RAP1A: variants seen among roughly 807,000 people sequenced by gnomAD.
The protein encoded by RAP1A is RAP1A, member of RAS oncogene family, also known as ras-related protein Rap-1A.
In RAP1A, 6 loss-of-function variants were observed where a neutral mutation model predicts 26.4. The ratio of observed to expected loss-of-function variants is 0.23; its 90% CI spans 0.12 to 0.45. The LOEUF is 0.45. Among genes scored for constraint, RAP1A ranks in the 20% least tolerant of loss-of-function variants. RAP1A has a pLI of 0.99. For missense variants in RAP1A, 121 were observed against 217.2 expected, an observed-to-expected ratio of 0.56 and a Z score of 2.78; for synonymous variants, 73 against 79.4, an observed-to-expected ratio of 0.92 and a Z score of 0.43.
intron 4 of RAP1A, among the ~76,000 whole-genome samples, chr1:111,700,431 C>T (rs1310810914): frequency 6.6e-6 from 1 of 152,152 alleles, no homozygotes; most frequent in Non-Finnish European, 1.5e-5. Flanking sequence ...AGATGCCACA[C>T]ACTTTTAAAC....
chr1:111,685,207 G>T (rs1661431513), intron 1 of RAP1A, among the ~76,000 whole-genome samples: 1 of 152,086 alleles, frequency 6.6e-6, no homozygotes. Flanking sequence ...TCAGGACATA[G>T]GCATGGGCAA....
intron 1 of RAP1A, among the ~76,000 whole-genome samples, chr1:111,611,955 T>C (rs757581614): frequency 1.1e-4 from 17 of 152,176 alleles, no homozygotes; most frequent in Admixed American, 7.9e-4. Context: ...TTCTGCCTTC[T>C]GTAAATTCAG....
At chr1:111,565,827 A>G (rs1005059939) in intron 1 of RAP1A, among the ~76,000 whole-genome samples, 14 of 152,140 alleles carry the variant, frequency 9.2e-5, no homozygotes, top group Non-Finnish European at 1.3e-4. Context: ...TTAAATAAAT[A>G]TGTGGCTCAC....
chr1:111,632,121 G>A lies in RAP1A; in HGVS notation c.-28+12187G>A, dbSNP rs188718391. On this transcript the variant is annotated intron_variant, in intron 1 of 7. Transcript: ENST00000369709. ...GAGTGGGGCAGGGTTGGTGGCATGTGTTTGTTTCTGTCTTCTATTAGAATA... is the reference window on the plus strand; with the variant it reads ...GAGTGGGGCAGGGTTGGTGGCATGTATTTGTTTCTGTCTTCTATTAGAATA... Among the ~76,000 whole-genome samples the A allele has an allele frequency of 2.4e-4, 36 of 152,074 alleles. No individual in the cohort carries two copies. The East Asian group carries it at 6.2e-3, about 26-fold the overall frequency.
rs1286532671 is a variant in RAP1A at position 111,696,801 on chromosome 1, T to C, written c.127-640T>C. Among the ~76,000 whole-genome samples the C allele has an allele frequency of 2.0e-5, 3 of 152,188 alleles. No individual in the cohort carries two copies. In the South Asian group the frequency reaches 6.2e-4, roughly 31 times the overall value. On this transcript the variant is annotated intron_variant, in intron 3 of 7. Transcript: ENST00000369709. ...ACCTTCTTTTCTTTTATAAGACCAA[T>C]GGGTAAATAGAACTCAGTGTATAAA...
chr1:111,632,763 A>G (rs1031000470), intron 1 of RAP1A, among the ~76,000 whole-genome samples: 1 of 151,770 alleles, frequency 6.6e-6, no homozygotes, highest in East Asian at 1.9e-4. Context: ...AAAAAAAAAT[A>G]CAAAAAAACT....
At chr1:111,682,296 A>G (rs1180891359) in intron 1 of RAP1A, among the ~76,000 whole-genome samples, 2 of 152,232 alleles carry the variant, frequency 1.3e-5, no homozygotes, top group Non-Finnish European at 2.9e-5. Flanking sequence ...ACTAATGTGC[A>G]AAATAACCAG....
intron 1 of RAP1A, among the ~76,000 whole-genome samples, chr1:111,571,845 G>A (rs1658054717): frequency 6.6e-6 from 1 of 152,194 alleles, no homozygotes; most frequent in Non-Finnish European, 1.5e-5. Context: ...AAAATGGCAT[G>A]CATTTTTGGC....
chr1:111,556,889 G>C (rs529067350), intron 1 of RAP1A, among the ~76,000 whole-genome samples: 103 of 142,552 alleles, frequency 7.2e-4, no homozygotes, highest in Non-Finnish European at 1.3e-3. Flanking sequence ...AGTTAAAATG[G>C]TACATTTTAC....
chr1:111,639,143 T>G (rs1202976200), intron 1 of RAP1A, among the ~76,000 whole-genome samples: 1 of 152,184 alleles, frequency 6.6e-6, no homozygotes. Flanking sequence ...TACACTATCT[T>G]TTTTACATTT....
intron 1 of RAP1A, among the ~76,000 whole-genome samples, chr1:111,659,918 T>C (rs1338785958): frequency 6.6e-6 from 1 of 152,218 alleles, no homozygotes; most frequent in Admixed American, 6.5e-5. Flanking sequence ...CCTTATAACA[T>C]TGCTGTCATT....
At chr1:111,654,445 G>T (rs1660386704) in intron 1 of RAP1A, among the ~76,000 whole-genome samples, 1 of 152,210 alleles carries the variant, frequency 6.6e-6, no homozygotes, top group South Asian at 2.1e-4. Context: ...TAGGAGCCAG[G>T]ATGGGAGCAC....
At position 111,580,706 on chromosome 1, in the gene RAP1A, G is replaced by A. The variant is rs777833324; in HGVS notation, c.-28+38197G>A. Among the ~76,000 whole-genome samples, 96 of 152,238 alleles carry A rather than the reference G, an allele frequency of 6.3e-4. 1 individual carries two copies. Among genetic ancestry groups the A allele is most frequent in the Middle Eastern group, 3.4e-3 (1 of 294 alleles). ...TACTGAAAGTACAAAAATTAGCCAG[G>A]TGCAGTGGCAGGTGCCTGTAATCCC... On this transcript the variant is annotated intron_variant, in intron 1 of 7. Coordinates refer to the RAP1A transcript ENST00000356415.
At chr1:111,633,584 A>G (rs182452520) in intron 1 of RAP1A, among the ~76,000 whole-genome samples, 25 of 152,360 alleles carry the variant, frequency 1.6e-4, no homozygotes, top group East Asian at 9.6e-4. Context: ...GGACTTTAGT[A>G]TCTCGAAATT....
chr1:111,640,774 A>G (rs537745482), intron 1 of RAP1A, among the ~76,000 whole-genome samples: 36 of 152,294 alleles, frequency 2.4e-4, no homozygotes, highest in Non-Finnish European at 4.6e-4. Context: ...AGCCTGAGCA[A>G]CATAGTGAGA....
At chr1:111,660,749 C>A (rs1660607781) in intron 1 of RAP1A, among the ~76,000 whole-genome samples, 1 of 152,180 alleles carries the variant, frequency 6.6e-6, no homozygotes, top group South Asian at 2.1e-4. Flanking sequence ...CTTACCGTGG[C>A]CTAAAAGCCT....
At position 111,709,142 on chromosome 1, in the gene RAP1A, TA is replaced by T; in HGVS notation, c.469-6del. ...GAGTAAGTACTTTTTTTCTTGTTTT[TA>T]CTTAGATATTTTATGACCTGGTCAG... On this transcript the variant is annotated splice_region_variant and splice_polypyrimidine_tract_variant and intron_variant, in intron 6 of 7. Coordinates refer to ENST00000369709, the MANE Select transcript of RAP1A (RefSeq NM_002884.4). 1.9e-6 allele frequency: 3 copies of T among 1,598,278 alleles called. No homozygotes were observed. The highest frequency in any genetic ancestry group is 2.6e-6 in the Non-Finnish European group (3 of 1,176,048).
intron 1 of RAP1A, among the ~76,000 whole-genome samples, chr1:111,607,644 G>GACC (rs1658815995): frequency 6.9e-6 from 1 of 144,706 alleles, no homozygotes; most frequent in Admixed American, 6.8e-5. Context: ...GCGGGGGGCT[G>GACC]ACCCCGCCAC....
At chr1:111,685,931 A>G (rs1661459725) in intron 1 of RAP1A, among the ~76,000 whole-genome samples, 1 of 152,208 alleles carries the variant, frequency 6.6e-6, no homozygotes, top group Non-Finnish European at 1.5e-5. Context: ...TACACATGGA[A>G]TACTATGCAG....
Sources: allele counts gnomAD v4.1 joint callset (sites outside exome capture counted in the v4.1 genomes callset), GRCh38; gene constraint gnomAD v4.1.1; transcripts MANE v1.5; gene names NCBI Gene and HGNC (gene_info 2026-07-23, HGNC 2026-07-21).